The following NEO1 variants were observed in gnomAD, a reference collection of about 807,000 sequenced individuals.
The protein encoded by NEO1 is neogenin 1, also known as neogenin.
A neutral mutation model predicts 159.7 loss-of-function variants in NEO1; 63 were observed. That is an observed-to-expected ratio of 0.39 (90% CI 0.32 to 0.49). The LOEUF is 0.49. NEO1 is among the 20% of genes least tolerant of loss of function. The pLI, the probability that NEO1 is intolerant of heterozygous loss-of-function variation, is 0.85. For synonymous variants in NEO1, 633 were observed against 662.0 expected, an observed-to-expected ratio of 0.96 and a Z score of 0.67; for missense variants, 1,615 against 1,831.0, an observed-to-expected ratio of 0.88 and a Z score of 2.15.
In NEO1 at chr15:73,218,775, C is replaced by T. The variant is rs1179976149; in HGVS notation, c.1292-17572C>T. ...TTTCTGTGGGATCGGTGGTGATATCCCCTTTATCATTTTTTATTGTGTCTA... is the reference window on the plus strand; with the variant it reads ...TTTCTGTGGGATCGGTGGTGATATCTCCTTTATCATTTTTTATTGTGTCTA... On this transcript the variant is annotated intron_variant, in intron 7 of 28. Transcript: ENST00000261908. Among the ~76,000 whole-genome samples, 4 of 152,054 alleles carry T rather than the reference C, an allele frequency of 2.6e-5. No homozygotes were observed. The East Asian group carries it at 7.7e-4, about 29-fold the overall frequency.
intron 1 of NEO1, among the ~76,000 whole-genome samples, chr15:73,075,824 G>T (rs2068744179): frequency 6.6e-6 from 1 of 152,172 alleles, no homozygotes; most frequent in African/African-American, 2.4e-5. Context: ...TGTTTTAACT[G>T]GAAGAAGACC....
intron 28 of NEO1, chr15:73,301,674 T>C: frequency 9.5e-6 from 2 of 210,360 alleles, no homozygotes; most frequent in Non-Finnish European, 1.7e-5. Context: ...ATATCCACTC[T>C]TTTTTTTTTT....
intron 7 of NEO1, among the ~76,000 whole-genome samples, chr15:73,206,129 A>G (rs538562940): frequency 2.4e-4 from 37 of 151,620 alleles, no homozygotes; most frequent in Admixed American, 3.9e-4. Context: ...GTGGTCTTGA[A>G]CTCCTGAGCT....
chr15:73,200,062 G>C (rs2036769343), intron 7 of NEO1, among the ~76,000 whole-genome samples: 1 of 152,158 alleles, frequency 6.6e-6, no homozygotes, highest in African/African-American at 2.4e-5. Context: ...ATAGAATGAG[G>C]AAATGTTCCC....
chr15:73,121,084 TCTC>T (rs2071619286), intron 2 of NEO1, among the ~76,000 whole-genome samples: 1 of 152,104 alleles, frequency 6.6e-6, no homozygotes, highest in South Asian at 2.1e-4. Context: ...ACAAGGACAT[TCTC>T]CTAGATAACC....
chr15:73,052,168 G>T (rs1414000377), upstream of NEO1, among the ~76,000 whole-genome samples: 1 of 149,944 alleles, frequency 6.7e-6, no homozygotes, highest in African/African-American at 2.4e-5. Flanking sequence ...CGGGGAGAAG[G>T]GGGAGGGGAG....
chr15:73,155,080 T>A (rs2033681192), intron 5 of NEO1, among the ~76,000 whole-genome samples: 2 of 152,088 alleles, frequency 1.3e-5, no homozygotes, highest in Non-Finnish European at 2.9e-5. Flanking sequence ...CACATTTAGG[T>A]CTCCTTTGAG....
At chr15:73,106,302 G>A (rs1229516872) in intron 1 of NEO1, among the ~76,000 whole-genome samples, 2 of 152,082 alleles carry the variant, frequency 1.3e-5, no homozygotes, top group African/African-American at 4.8e-5. Flanking sequence ...GGCCAGTGCA[G>A]TGCTGTACAA....
intron 9 of NEO1, among the ~76,000 whole-genome samples, chr15:73,248,781 TC>T (rs1641315457): frequency 6.6e-6 from 1 of 152,226 alleles, no homozygotes; most frequent in South Asian, 2.1e-4. Context: ...AGGATCTCTT[TC>T]TGTGGTGGTT....
At chr15:73,238,177 T>C (rs1176369611) in intron 8 of NEO1, among the ~76,000 whole-genome samples, 1 of 152,106 alleles carries the variant, frequency 6.6e-6, no homozygotes, top group African/African-American at 2.4e-5. Context: ...CCAGAGCCAA[T>C]TGTTAAACAT....
intron 7 of NEO1, among the ~76,000 whole-genome samples, chr15:73,200,590 T>G (rs1596326219): frequency 3.0e-5 from 4 of 133,010 alleles, no homozygotes; most frequent in Admixed American, 7.7e-5. Context: ...AGAGAGAGAG[T>G]GGAATGAAAG....
chr15:73,236,722 A>G (rs1279347876), intron 8 of NEO1, among the ~76,000 whole-genome samples: 1 of 152,224 alleles, frequency 6.6e-6, no homozygotes, highest in Non-Finnish European at 1.5e-5. Flanking sequence ...GAGAGGGTAG[A>G]TACAGCTATT....
chr15:73,258,869 C>T lies in NEO1; in HGVS notation c.2196C>T (p.Asp732=). ...DWLSAETFES[D]LDETRVPEVP... ...TGTCTGCTGAAACTTTTGAAAGTGA[C>T]CTAGATGGTAAGAATAACAATTGGC... The change falls in exon 14 of 29, where the codon GAC becomes GAT. Residue 732 remains aspartate, a synonymous_variant. Coordinates refer to ENST00000261908, the MANE Select transcript of NEO1 (RefSeq NM_002499.4). 6.2e-7 allele frequency: 1 copy of T among 1,613,004 alleles called. No homozygotes were observed. The highest frequency in any genetic ancestry group is 8.5e-7 in the Non-Finnish European group (1 of 1,179,178).
rs150067909 is a variant in NEO1, at chr15:73,107,362, G to A, written c.131-9178G>A. Among the ~76,000 whole-genome samples, 446 of 152,228 alleles carry A rather than the reference G, an allele frequency of 2.9e-3. 2 individuals carry two copies. Among genetic ancestry groups the A allele is most frequent in the African/African-American group, 0.01 (423 of 41,528 alleles). On this transcript the variant is annotated intron_variant, in intron 1 of 28. Transcript: ENST00000261908. ...ATCTAGTTCAGAGTTATTTAGGATG[G>A]CTTCCAGATTTGTTGATTACCCAGT...
intron 15 of NEO1, among the ~76,000 whole-genome samples, chr15:73,263,244 A>C (rs1190590487): frequency 7.3e-6 from 1 of 136,902 alleles, no homozygotes; most frequent in Non-Finnish European, 1.5e-5. Flanking sequence ...CCCAGGCTGG[A>C]GGGCAGTGGC....
Position 73,231,694 on chromosome 15 carries a change from C to T in NEO1, c.1292-4653C>T, listed in dbSNP as rs566961063. On this transcript the variant is annotated intron_variant, in intron 7 of 28. Transcript: ENST00000261908. ...CCATGATTGTGCCACTGCACTCCAG[C>T]CTGGGTGATAGAGCAAGACCCTGAA... 5.3e-5 allele frequency among the ~76,000 whole-genome samples: 8 copies of T among 152,308 alleles called. No homozygotes were observed. In the East Asian group the frequency reaches 1.5e-3, roughly 29 times the overall value.
chr15:73,205,708 A>G (rs2037174151), intron 7 of NEO1, among the ~76,000 whole-genome samples: 1 of 152,120 alleles, frequency 6.6e-6, no homozygotes. Context: ...TATGTCTCTG[A>G]ATGCACCTGT....
intron 13 of NEO1, 53 bp downstream of exon 13, chr15:73,254,882 G>C: frequency 6.4e-7 from 1 of 1,569,846 alleles, no homozygotes; most frequent in African/African-American, 1.4e-5. Context: ...CTCAGATATT[G>C]AATTATGCTA....
rs1238249858 is a variant in NEO1 at position 73,259,005 on chromosome 15, G to A, written c.2203+129G>A. The A allele has an allele frequency of 1.3e-5, 9 of 714,762 alleles. No homozygotes were observed. The East Asian group carries it at 1.9e-4, about 15-fold the overall frequency. The allele number at this position is 714,762 out of a possible 1,614,324, so 44.3% of individuals were successfully genotyped here. On this transcript the variant is annotated intron_variant, in intron 14 of 28. Coordinates refer to ENST00000261908, the MANE Select transcript of NEO1 (RefSeq NM_002499.4). The stretch of plus-strand genomic sequence containing the variant: ...GTGAACTTTAGTGCATCACGCTGCT[G>A]TTGTTCCTGTATTGCATCGAGGCTG...
Sources: gnomAD v4.1 joint callset for allele counts (sites outside exome capture counted in the v4.1 genomes callset) on GRCh38, gnomAD v4.1.1 for gene constraint, MANE v1.5 for transcripts, NCBI Gene and HGNC (gene_info 2026-07-23, HGNC 2026-07-21) for gene names.